The following ANKRD24 variants were observed in gnomAD, a reference collection of about 807,000 sequenced individuals.
The protein encoded by ANKRD24 is ankyrin repeat domain-containing protein 24.
Under a neutral mutation model 127.8 loss-of-function variants are expected in ANKRD24, and 109 were observed. The ratio of observed to expected loss-of-function variants is 0.85; its 90% CI spans 0.73 to 1.00. The LOEUF is 1.00. Among genes scored for constraint, ANKRD24 ranks in the 50% least tolerant of loss-of-function variants. The probability of loss-of-function intolerance (pLI) is 0.00; values close to 1 mark genes in which losing one functional copy is unlikely to be tolerated. For synonymous variants in ANKRD24, 743 were observed against 671.1 expected (o/e 1.11, Z -1.66); for missense variants, 1,648 against 1,570.2 (o/e 1.05, Z -0.84).
At position 4,217,822 on chromosome 19, in the gene ANKRD24, C is replaced by T. The variant is rs1383511042; in HGVS notation, c.2662C>T (p.Leu888=). Residue 888 remains leucine (L), a synonymous_variant, in exon 18 of 22, where the codon CTG becomes TTG. Transcript: ENST00000318934. ...RDAAEARVAE[L]PAACEEARQG... ...CGCCGCTGAGGCCCGAGTGGCTGAG[C>T]TGCCTGCGGCCTGCGAGGAGGCGCG... The T allele has an allele frequency of 7.1e-7, 1 of 1,403,244 alleles. No homozygotes were observed. Among genetic ancestry groups the T allele is most frequent in the Non-Finnish European group, 9.2e-7 (1 of 1,083,348 alleles). 86.9% of individuals were successfully genotyped at this position (1,403,244 alleles called of 1,614,324 possible). A position where few individuals can be genotyped will look rare whatever the true frequency, so the allele number is the denominator to read the frequency against.
At chr19:4,210,978 C>T (rs1013550687) in intron 13 of ANKRD24, among the ~76,000 whole-genome samples, 2 of 151,958 alleles carry the variant, frequency 1.3e-5, no homozygotes, top group Non-Finnish European at 2.9e-5. Flanking sequence ...GGATTACAGG[C>T]GCCCACCACC....
At chr19:4,216,231 C>T in intron 16 of ANKRD24, 53 bp from the exon 17 acceptor site, 5 of 1,512,400 alleles carry the variant, frequency 3.3e-6, no homozygotes, top group Non-Finnish European at 4.5e-6. Context: ...CCCCCCACCT[C>T]CTGTCCCCCT....
chr19:4,208,414 A>G (rs1175576228), intron 10 of ANKRD24, among the ~76,000 whole-genome samples: 1 of 152,090 alleles, frequency 6.6e-6, no homozygotes, highest in African/African-American at 2.4e-5. Context: ...CTGGAACTCC[A>G]GGTGCCTGCC....
intron 1 of ANKRD24, among the ~76,000 whole-genome samples, chr19:4,182,965 T>TTGTGTGTGTGTGTGTGTGTG (rs57280997): frequency 0.013 from 1,795 of 138,638 alleles, 30 homozygotes; most frequent in Middle Eastern, 0.021. Context: ...AATATCTCAT[T>TTGTGTGTGTGTGTGTGTGTG]TGTGTGTGTG....
At chr19:4,214,375 C>T (rs1311096090) in intron 15 of ANKRD24, among the ~76,000 whole-genome samples, 4 of 152,044 alleles carry the variant, frequency 2.6e-5, no homozygotes, top group Non-Finnish European at 1.5e-5. Context: ...CTATGTTCCC[C>T]AGTCTGGTCT....
intron 2 of ANKRD24, among the ~76,000 whole-genome samples, chr19:4,194,787 C>G (rs919271178): frequency 6.6e-6 from 1 of 151,928 alleles, no homozygotes; most frequent in Non-Finnish European, 1.5e-5. Flanking sequence ...TGGTGGTGGC[C>G]GTGGAAGGGG....
chr19:4,218,191 C>A, intron 18 of ANKRD24, 28 bp downstream of exon 18: 1 of 1,420,372 alleles, frequency 7.0e-7, no homozygotes, highest in Non-Finnish European at 9.2e-7. Context: ...CCACCCGGGC[C>A]CCACCCCCAT....
At chr19:4,210,678 C>G (rs1568332991) in intron 13 of ANKRD24, among the ~76,000 whole-genome samples, 1 of 152,070 alleles carries the variant, frequency 6.6e-6, no homozygotes. Context: ...CTTTACCTCA[C>G]CTACTTTATG....
intron 7 of ANKRD24, 28 bp downstream of exon 7, chr19:4,202,954 C>T (rs1475672894): frequency 1.3e-6 from 2 of 1,534,778 alleles, no homozygotes; most frequent in African/African-American, 2.8e-5. Flanking sequence ...CTGCCCTGAC[C>T]CCGAAGCCCA....
chr19:4,218,343 A>C (rs539920665), intron 18 of ANKRD24, among the ~76,000 whole-genome samples, 180 bp downstream of exon 18: 2 of 148,834 alleles, frequency 1.3e-5, no homozygotes, highest in Non-Finnish European at 2.9e-5. Context: ...CGTGTCGCCC[A>C]GGCTGGAGTG....
intron 7 of ANKRD24, among the ~76,000 whole-genome samples, chr19:4,204,449 G>A (rs572661218): frequency 3.3e-5 from 5 of 152,238 alleles, no homozygotes; most frequent in African/African-American, 9.6e-5. Flanking sequence ...AGGAGCAGTC[G>A]AATGTACTCC....
chr19:4,187,537 T>G (rs531603905), intron 2 of ANKRD24, among the ~76,000 whole-genome samples: 1 of 152,338 alleles, frequency 6.6e-6, no homozygotes. Flanking sequence ...TTCTCTTGCA[T>G]CCGTGTCTTT....
rs568351372 is a variant in ANKRD24, at chr19:4,207,899, G to A, written c.763G>A (p.Ala255Thr). ...ALGQDAAHYG[A>T]LAGDKLILHL... is the part of the protein sequence containing the mutation. Reference sequence around the variant, plus strand: ...GGGGCAGGACGCGGCTCACTATGGCGCCCTGGCGGGGGACAAACTCATCCT... The same window carrying A: ...GGGGCAGGACGCGGCTCACTATGGCACCCTGGCGGGGGACAAACTCATCCT... Residue 255 changes from alanine to threonine, a missense_variant, in exon 10 of 22, where the codon GCC becomes ACC. Transcript: ENST00000318934. The A allele has an allele frequency of 6.4e-5, 99 of 1,556,606 alleles. 1 individual carries two copies. The Admixed American group carries it at 1.3e-3, about 21-fold the overall frequency.
intron 15 of ANKRD24, among the ~76,000 whole-genome samples, chr19:4,213,219 CTCCT>C (rs1016190306): frequency 2.0e-5 from 3 of 150,748 alleles, no homozygotes; most frequent in Non-Finnish European, 2.9e-5. Flanking sequence ...TCTTCCCCTT[CTCCT>C]TCCTTCCTTC....
In ANKRD24 at chr19:4,213,586, G is replaced by T. The variant is rs1969894156; in HGVS notation, c.1197+888G>T. ...TTCTCCTGCCTCAGCCTTCCAAGTA[G>T]CTGGGTCTACAGCTGCACGTCACCA... On this transcript the variant is annotated intron_variant, in intron 15 of 21. Coordinates refer to ENST00000318934, the MANE Select transcript of ANKRD24 (RefSeq NM_001393985.1). Among the ~76,000 whole-genome samples the T allele has an allele frequency of 1.3e-5, 2 of 150,334 alleles. 1 individual carries two copies. Among genetic ancestry groups the T allele is most frequent in the South Asian group, 4.2e-4 (2 of 4,768 alleles).
rs1599431929 is a variant in ANKRD24 at position 4,206,574 on chromosome 19, A to G, written c.467-668A>G. Among the ~76,000 whole-genome samples, 3 of 152,068 alleles carry G rather than the reference A, an allele frequency of 2.0e-5. No individual in the cohort carries two copies. The South Asian group carries it at 6.2e-4, about 32-fold the overall frequency. ...CTTGGGAGGCCGAGGCAGGAGGATC[A>G]CTTGAGCCCAGGAGTTCGGGACCAG... On this transcript the variant is annotated intron_variant, in intron 7 of 21. Transcript: ENST00000318934.
At chr19:4,210,823 T>A (rs375434893) in intron 13 of ANKRD24, among the ~76,000 whole-genome samples, 26 of 150,084 alleles carry the variant, frequency 1.7e-4, no homozygotes, top group African/African-American at 5.4e-4. Flanking sequence ...ATTTTTTTTT[T>A]ATTTATTTTT....
At chr19:4,221,385 G>C (rs1379512390) in intron 19 of ANKRD24, among the ~76,000 whole-genome samples, 1 of 131,156 alleles carries the variant, frequency 7.6e-6, no homozygotes, top group Non-Finnish European at 1.7e-5. Flanking sequence ...TTTTGCTTTT[G>C]TTTGTTTGTT....
chr19:4,187,917 G>A (rs540401534), intron 2 of ANKRD24, among the ~76,000 whole-genome samples: 3 of 152,236 alleles, frequency 2.0e-5, no homozygotes, highest in Admixed American at 6.5e-5. Context: ...GTAAAGATTC[G>A]GAGGCTGGAC....
Sources: gnomAD v4.1 joint callset for allele counts (sites outside exome capture counted in the v4.1 genomes callset) on GRCh38, gnomAD v4.1.1 for gene constraint, MANE v1.5 for transcripts, NCBI Gene and HGNC (gene_info 2026-07-23, HGNC 2026-07-21) for gene names.